The following SLIT2 variants were observed in gnomAD, a reference collection of about 807,000 sequenced individuals.
SLIT2 encodes the protein slit guidance ligand 2, also known as slit homolog 2 protein.
In SLIT2, 41 loss-of-function variants were observed where a neutral mutation model predicts 185.7. That is an observed-to-expected ratio of 0.22 (90% CI 0.17 to 0.29). SLIT2 has a LOEUF of 0.29. Ranked by LOEUF, SLIT2 falls within the 10% of genes least tolerant of loss-of-function variation. SLIT2 has a pLI of 1.00. For synonymous variants in SLIT2, 693 were observed against 680.2 expected (o/e 1.02, Z -0.29); for missense variants, 1,571 against 1,909.0 (o/e 0.82, Z 3.30).
chr4:20,617,663 C>T lies in SLIT2; in HGVS notation c.4348+13C>T. 6.3e-7 allele frequency: 1 copy of T among 1,597,136 alleles called. No individual in the cohort carries two copies. Among genetic ancestry groups the T allele is most frequent in the Non-Finnish European group, 8.6e-7 (1 of 1,169,164 alleles). On this transcript the variant is annotated intron_variant, in intron 36 of 36. Coordinates refer to ENST00000504154, the MANE Select transcript of SLIT2 (RefSeq NM_004787.4). Reference sequence around the variant, plus strand: ...AGCTGTGATCGAGGTAAGCCAGCCCCACTGGGCACCTCATTCTCTTGGCAA... The same window carrying T: ...AGCTGTGATCGAGGTAAGCCAGCCCTACTGGGCACCTCATTCTCTTGGCAA...
chr4:20,362,103 T>C (rs77902408), intron 4 of SLIT2, among the ~76,000 whole-genome samples: 1 of 152,286 alleles, frequency 6.6e-6, no homozygotes, highest in African/African-American at 2.4e-5. Context: ...GCCCATGCTT[T>C]CCCTCCAGCT....
In SLIT2 at chr4:20,342,674, T is replaced by G. The variant is rs1487663353; in HGVS notation, c.395+73793T>G. On this transcript the variant is annotated intron_variant, in intron 4 of 36. Transcript: ENST00000504154. ...TTTTTAACCTCTTAAAATAGATATC[T>G]TATAGTTATTTGATTTGATTCTGCC... Among the ~76,000 whole-genome samples the G allele has an allele frequency of 3.3e-5, 5 of 151,850 alleles. No individual in the cohort carries two copies. The East Asian group carries it at 9.7e-4, about 29-fold the overall frequency.
intron 4 of SLIT2, chr4:20,393,260 GGATTTCTTCT>G (rs1577566865): frequency 6.6e-6 from 1 of 151,982 alleles, no homozygotes; most frequent in East Asian, 1.9e-4. Flanking sequence ...GATACCGTTT[GGATTTCTTCT>G]GATCTCTTCC....
At chr4:20,579,017 T>C (rs1464269053) in intron 29 of SLIT2, among the ~76,000 whole-genome samples, 1 of 151,986 alleles carries the variant, frequency 6.6e-6, no homozygotes, top group East Asian at 1.9e-4. Context: ...CCAGCCAAGG[T>C]GGGCACAGTA....
chr4:20,471,197 G>A (rs1210062581), intron 5 of SLIT2, among the ~76,000 whole-genome samples: 1 of 152,024 alleles, frequency 6.6e-6, no homozygotes, highest in East Asian at 1.9e-4. Context: ...TACATTAAAA[G>A]GCATTTTCTA....
intron 3 of SLIT2, among the ~76,000 whole-genome samples, chr4:20,261,134 C>T (rs574110748): frequency 6.6e-6 from 1 of 151,920 alleles, no homozygotes; most frequent in East Asian, 1.9e-4. Context: ...TCCTAGGATG[C>T]TCTGTATTGC....
At chr4:20,553,242 C>G (rs963652989) in intron 25 of SLIT2, among the ~76,000 whole-genome samples, 2 of 152,198 alleles carry the variant, frequency 1.3e-5, no homozygotes, top group Admixed American at 6.5e-5. Context: ...ACAGCTTAGA[C>G]TTTCTTAACC....
intron 4 of SLIT2, among the ~76,000 whole-genome samples, chr4:20,414,204 G>A (rs1402509845): frequency 2.0e-5 from 3 of 151,786 alleles, no homozygotes; most frequent in Non-Finnish European, 4.4e-5. Context: ...TATAATAATT[G>A]GGTTTGTTAA....
chr4:20,478,655 C>T (rs1028282710), intron 5 of SLIT2, among the ~76,000 whole-genome samples: 10 of 152,168 alleles, frequency 6.6e-5, no homozygotes, highest in African/African-American at 1.9e-4. Context: ...ACAGATTAAC[C>T]TGGAGACTGC....
chr4:20,327,349 T>G (rs924133212), intron 4 of SLIT2, among the ~76,000 whole-genome samples: 1 of 152,028 alleles, frequency 6.6e-6, no homozygotes, highest in Non-Finnish European at 1.5e-5. Flanking sequence ...AAATCAAACC[T>G]CATAATACAG....
At chr4:20,325,421 T>TC (rs1719487789) in intron 4 of SLIT2, among the ~76,000 whole-genome samples, 1 of 23,634 alleles carries the variant, frequency 4.2e-5, no homozygotes, top group Non-Finnish European at 7.4e-5. Flanking sequence ...AGGGTGGGGG[T>TC]GGGGGGTGGG....
chr4:20,508,098 G>T lies in SLIT2; in HGVS notation c.915-2397G>T, dbSNP rs552680699. Among the ~76,000 whole-genome samples the T allele has an allele frequency of 2.6e-5, 4 of 151,982 alleles. No homozygotes were observed. The East Asian group carries it at 7.7e-4, about 29-fold the overall frequency. The stretch of plus-strand genomic sequence containing the variant: ...TTTGAAAAAAAACTCCCTTTCTTAT[G>T]ACCTAGATAAATAATACAGAAGACA... On this transcript the variant is annotated intron_variant, in intron 9 of 36. Coordinates refer to ENST00000504154, the MANE Select transcript of SLIT2 (RefSeq NM_004787.4).
At chr4:20,540,732 G>A (rs919115931) in intron 19 of SLIT2, among the ~76,000 whole-genome samples, 1 of 152,176 alleles carries the variant, frequency 6.6e-6, no homozygotes, top group Non-Finnish European at 1.5e-5. Flanking sequence ...TAATTTGAGA[G>A]AAGCATCCAT....
At chr4:20,407,505 G>C (rs1384906494) in intron 4 of SLIT2, among the ~76,000 whole-genome samples, 1 of 152,108 alleles carries the variant, frequency 6.6e-6, no homozygotes, top group Non-Finnish European at 1.5e-5. Context: ...CCCTGGCCCT[G>C]CCATCTCTTC....
At chr4:20,461,128 G>A (rs1368995355) in intron 4 of SLIT2, among the ~76,000 whole-genome samples, 2 of 152,196 alleles carry the variant, frequency 1.3e-5, no homozygotes, top group African/African-American at 4.8e-5. Context: ...CAGCTGAGGA[G>A]TTGGTCTGCG....
At chr4:20,565,636 T>C (rs968547468) in intron 26 of SLIT2, among the ~76,000 whole-genome samples, 3 of 151,904 alleles carry the variant, frequency 2.0e-5, no homozygotes, top group Admixed American at 2.0e-4. Flanking sequence ...TAATTTGATA[T>C]AGAGACTCCT....
intron 4 of SLIT2, among the ~76,000 whole-genome samples, chr4:20,415,640 A>C (rs1161590748): frequency 1.3e-5 from 2 of 152,094 alleles, no homozygotes; most frequent in Non-Finnish European, 2.9e-5. Context: ...TTGTAAATAA[A>C]CCTATTTGTC....
chr4:20,531,476 C>A (rs927991256), intron 16 of SLIT2, among the ~76,000 whole-genome samples: 4 of 152,050 alleles, frequency 2.6e-5, no homozygotes, highest in Non-Finnish European at 5.9e-5. Flanking sequence ...GAACAGCCAC[C>A]AGGAGTGACT....
At chr4:20,462,084 C>T (rs915154315) in intron 4 of SLIT2, among the ~76,000 whole-genome samples, 2 of 152,096 alleles carry the variant, frequency 1.3e-5, no homozygotes, top group African/African-American at 4.8e-5. Flanking sequence ...CAGTAAGACA[C>T]TTCTCAGACT....
Sources: allele counts gnomAD v4.1 joint callset (sites outside exome capture counted in the v4.1 genomes callset), GRCh38; gene constraint gnomAD v4.1.1; transcripts MANE v1.5; gene names NCBI Gene and HGNC (gene_info 2026-07-23, HGNC 2026-07-21).